CLEC16A: variants seen among roughly 807,000 people sequenced by gnomAD.
The protein encoded by CLEC16A is C-type lectin domain containing 16A, also known as protein CLEC16A.
CLEC16A carries 51 observed loss-of-function variants against 109.5 expected under a neutral mutation model. The observed-to-expected ratio is 0.47, with a 90% CI of 0.37 to 0.59. The LOEUF is 0.59. Ranked by LOEUF, CLEC16A falls within the 20% of genes least tolerant of loss-of-function variation. The probability of loss-of-function intolerance (pLI) is 0.00; values close to 1 mark genes in which losing one functional copy is unlikely to be tolerated. For synonymous variants in CLEC16A, 673 were observed against 564.2 expected, an observed-to-expected ratio of 1.19 and a Z score of -2.73; for missense variants, 1,339 against 1,394.0, an observed-to-expected ratio of 0.96 and a Z score of 0.63.
chr16:10,966,439 C>T (rs1004171100), intron 3 of CLEC16A, among the ~76,000 whole-genome samples: 4 of 152,154 alleles, frequency 2.6e-5, no homozygotes, highest in Non-Finnish European at 5.9e-5. Context: ...AGGAAGTCTT[C>T]TGGAGAGCTG....
chr16:11,078,949 T>C (rs1217422238), intron 19 of CLEC16A, among the ~76,000 whole-genome samples: 2 of 152,196 alleles, frequency 1.3e-5, no homozygotes, highest in Non-Finnish European at 2.9e-5. Context: ...TTGCATACAG[T>C]GTGCCTCTAC....
chr16:11,173,371 T>G (rs2068606258), intron 23 of CLEC16A, among the ~76,000 whole-genome samples: 1 of 152,126 alleles, frequency 6.6e-6, no homozygotes, highest in Non-Finnish European at 1.5e-5. Context: ...CGCCTTCATC[T>G]CCGAGAGTGT....
intron 2 of CLEC16A, among the ~76,000 whole-genome samples, chr16:10,960,254 T>C (rs1348979748): frequency 6.6e-6 from 1 of 152,192 alleles, no homozygotes; most frequent in African/African-American, 2.4e-5. Context: ...TGTCCTAGCA[T>C]CCCATCCATG....
intron 11 of CLEC16A, among the ~76,000 whole-genome samples, chr16:11,005,742 A>C (rs577716955): frequency 6.6e-6 from 1 of 152,192 alleles, no homozygotes; most frequent in Non-Finnish European, 1.5e-5. Flanking sequence ...CACAGCTGTT[A>C]ATTCCTGTGA....
At chr16:11,034,363 C>G (rs984872513) in intron 13 of CLEC16A, among the ~76,000 whole-genome samples, 5 of 152,182 alleles carry the variant, frequency 3.3e-5, no homozygotes, top group Non-Finnish European at 5.9e-5. Context: ...ACCTGGTGTT[C>G]TCGTGGTGTC....
chr16:11,170,119 C>T (rs1410730635), intron 23 of CLEC16A, among the ~76,000 whole-genome samples: 1 of 152,194 alleles, frequency 6.6e-6, no homozygotes, highest in Non-Finnish European at 1.5e-5. Flanking sequence ...TCAGGCACCT[C>T]CAGGGTGTCG....
chr16:11,120,962 C>G (rs1307537779), intron 20 of CLEC16A, among the ~76,000 whole-genome samples, 196 bp downstream of exon 20: 1 of 152,196 alleles, frequency 6.6e-6, no homozygotes, highest in Admixed American at 6.5e-5. Context: ...GCAAAGTCCT[C>G]TTTGACCAAA....
At chr16:11,117,306 G>T (rs908258434) in intron 19 of CLEC16A, among the ~76,000 whole-genome samples, 1 of 152,134 alleles carries the variant, frequency 6.6e-6, no homozygotes, top group Admixed American at 6.5e-5. Context: ...ACTTTATGGC[G>T]TGTAAATTAT....
intron 7 of CLEC16A, among the ~76,000 whole-genome samples, chr16:10,976,236 C>T (rs1307146222): frequency 6.6e-6 from 1 of 151,834 alleles, no homozygotes; most frequent in Non-Finnish European, 1.5e-5. Flanking sequence ...TGCCACAGCA[C>T]TCCAGCCTAG....
intron 5 of CLEC16A, 134 bp downstream of exon 5, chr16:10,971,364 A>G (rs553095365): frequency 3.7e-6 from 3 of 820,436 alleles, no homozygotes; most frequent in African/African-American, 3.5e-5. Flanking sequence ...AGCTTCTCTC[A>G]TGAAAAACTT....
chr16:11,080,369 C>T (rs2049634053), intron 19 of CLEC16A, among the ~76,000 whole-genome samples: 1 of 152,218 alleles, frequency 6.6e-6, no homozygotes, highest in Non-Finnish European at 1.5e-5. Flanking sequence ...AGAATTGCTT[C>T]TGGGCGTCCG....
chr16:11,013,943 AAAAG>A (rs537427537), intron 11 of CLEC16A, among the ~76,000 whole-genome samples: 239 of 152,146 alleles, frequency 1.6e-3, no homozygotes, highest in African/African-American at 5.4e-3. Flanking sequence ...TGTCTCAAAA[AAAAG>A]AAGAAGAAGA....
intron 23 of CLEC16A, among the ~76,000 whole-genome samples, chr16:11,168,645 C>A (rs1046447142): frequency 2.6e-5 from 4 of 152,242 alleles, no homozygotes; most frequent in Non-Finnish European, 5.9e-5. Flanking sequence ...ACAAGCTCCT[C>A]CCTGTCTTGA....
intron 19 of CLEC16A, among the ~76,000 whole-genome samples, chr16:11,070,218 G>A (rs1319625077): frequency 2.6e-5 from 4 of 151,938 alleles, no homozygotes; most frequent in Admixed American, 6.6e-5. Flanking sequence ...CTACAGGCGC[G>A]TGCCACCACG....
chr16:11,052,672 G>A (rs1237448080), intron 18 of CLEC16A, among the ~76,000 whole-genome samples: 3 of 152,162 alleles, frequency 2.0e-5, no homozygotes, highest in Non-Finnish European at 2.9e-5. Flanking sequence ...GGCAGTGTTT[G>A]CACTGGACGT....
chr16:11,034,609 C>T (rs1044547393), intron 13 of CLEC16A, among the ~76,000 whole-genome samples: 1 of 152,096 alleles, frequency 6.6e-6, no homozygotes, highest in Non-Finnish European at 1.5e-5. Flanking sequence ...ACAGGGGACA[C>T]CCGTTCTGAG....
chr16:11,002,457 G>A (rs2044723089), intron 10 of CLEC16A, among the ~76,000 whole-genome samples: 1 of 152,180 alleles, frequency 6.6e-6, no homozygotes, highest in African/African-American at 2.4e-5. Context: ...AATAGATCTG[G>A]AGGTGGCATT....
At chr16:11,051,759 C>A in intron 18 of CLEC16A, 118 bp downstream of exon 18, 2 of 1,317,480 alleles carry the variant, frequency 1.5e-6, no homozygotes, top group Non-Finnish European at 2.1e-6. Context: ...ACAGCTTAGA[C>A]AGTGGATAGA....
intron 18 of CLEC16A, among the ~76,000 whole-genome samples, chr16:11,060,551 G>A (rs1196323482): frequency 6.6e-6 from 1 of 152,178 alleles, no homozygotes; most frequent in Admixed American, 6.5e-5. Flanking sequence ...CACCTTCTTA[G>A]GTCTCAGCTG....
Sources: gnomAD v4.1 joint callset for allele counts (sites outside exome capture counted in the v4.1 genomes callset) on GRCh38, gnomAD v4.1.1 for gene constraint, MANE v1.5 for transcripts, NCBI Gene and HGNC (gene_info 2026-07-23, HGNC 2026-07-21) for gene names.